The following MAPK8 variants were observed in gnomAD, a reference collection of about 807,000 sequenced individuals.
MAPK8 encodes the protein mitogen-activated protein kinase 8, also known as JUN N-terminal kinase.
A neutral mutation model predicts 52.9 loss-of-function variants in MAPK8; 13 were observed. The observed-to-expected ratio is 0.25, with a 90% CI of 0.16 to 0.39. The LOEUF (loss-of-function observed/expected upper bound fraction) is 0.39, where lower values mean the gene tolerates loss of function less well. Among genes scored for constraint, MAPK8 ranks in the 10% least tolerant of loss-of-function variants. MAPK8 has a pLI of 1.00. For missense variants in MAPK8, 300 were observed against 519.2 expected, an observed-to-expected ratio of 0.58 and a Z score of 4.10; for synonymous variants, 191 against 169.8, an observed-to-expected ratio of 1.12 and a Z score of -0.97.
At chr10:48,313,447 C>A (rs1223181024) in intron 1 of MAPK8, among the ~76,000 whole-genome samples, 2 of 151,920 alleles carry the variant, frequency 1.3e-5, no homozygotes, top group Non-Finnish European at 2.9e-5. Context: ...AAAACAACAA[C>A]AACAACAACA....
chr10:48,366,775 G>T, intron 1 of MAPK8, among the ~76,000 whole-genome samples: 1 of 151,960 alleles, frequency 6.6e-6, no homozygotes, highest in African/African-American at 2.4e-5. Flanking sequence ...GCCATATAGG[G>T]TTGAAAAATT....
intron 1 of MAPK8, among the ~76,000 whole-genome samples, chr10:48,390,252 A>G (rs1349056272): frequency 3.9e-5 from 6 of 152,182 alleles, no homozygotes; most frequent in Non-Finnish European, 7.3e-5. Context: ...AGTCAGCTTT[A>G]CTCAGTCTGT....
At chr10:48,387,446 G>C (rs888636076) in intron 1 of MAPK8, among the ~76,000 whole-genome samples, 1 of 152,102 alleles carries the variant, frequency 6.6e-6, no homozygotes, top group Non-Finnish European at 1.5e-5. Flanking sequence ...ATATGGAGGG[G>C]AATCATCTGG....
chr10:48,425,347 A>AT (rs1031984164), intron 7 of MAPK8: 5 of 484,624 alleles, frequency 1.0e-5, no homozygotes, highest in African/African-American at 1.0e-4. Context: ...GCTTTAGAAA[A>AT]TTTTTTTAAA....
intron 1 of MAPK8, among the ~76,000 whole-genome samples, chr10:48,341,459 T>C (rs1296491293): frequency 6.6e-6 from 1 of 152,166 alleles, no homozygotes; most frequent in Non-Finnish European, 1.5e-5. Context: ...TTTGGGATGC[T>C]CAACTGGCAC....
intron 1 of MAPK8, among the ~76,000 whole-genome samples, chr10:48,385,907 A>G (rs928604286): frequency 2.6e-5 from 4 of 152,174 alleles, no homozygotes; most frequent in African/African-American, 9.7e-5. Context: ...GGGCAGGCAC[A>G]TTTAATTACA....
chr10:48,330,726 C>A (rs1844053683), intron 1 of MAPK8, among the ~76,000 whole-genome samples: 1 of 152,174 alleles, frequency 6.6e-6, no homozygotes, highest in Non-Finnish European at 1.5e-5. Context: ...TGGTCGAGTA[C>A]TATGGGGTTA....
chr10:48,338,239 TA>T (rs1178957700), intron 1 of MAPK8, among the ~76,000 whole-genome samples: 3 of 151,976 alleles, frequency 2.0e-5, no homozygotes, highest in Non-Finnish European at 4.4e-5. Flanking sequence ...TAGCAGCACA[TA>T]AAAAAGATAA....
chr10:48,362,774 CTT>C (rs1847663096), intron 1 of MAPK8, among the ~76,000 whole-genome samples: 2 of 116,062 alleles, frequency 1.7e-5, no homozygotes, highest in Non-Finnish European at 3.3e-5. Context: ...GAGTTTCACT[CTT>C]GTTGCCCAGG....
chr10:48,346,793 G>A (rs1845828495), intron 1 of MAPK8, among the ~76,000 whole-genome samples: 1 of 152,182 alleles, frequency 6.6e-6, no homozygotes, highest in Admixed American at 6.5e-5. Context: ...CTGATATGCA[G>A]AAATAATGGC....
At chr10:48,327,376 T>C (rs1007799088) in intron 1 of MAPK8, among the ~76,000 whole-genome samples, 1 of 152,196 alleles carries the variant, frequency 6.6e-6, no homozygotes, top group African/African-American at 2.4e-5. Context: ...GTTGATGTGG[T>C]GGATTAGGGT....
chr10:48,366,052 GT>G (rs941906853), intron 1 of MAPK8, among the ~76,000 whole-genome samples: 26 of 148,956 alleles, frequency 1.7e-4, no homozygotes, highest in African/African-American at 3.9e-4. Flanking sequence ...TTAGAATTCA[GT>G]TTTTTTTTTC....
intron 1 of MAPK8, among the ~76,000 whole-genome samples, chr10:48,362,189 T>G (rs1403767373): frequency 6.6e-6 from 1 of 152,168 alleles, no homozygotes; most frequent in Admixed American, 6.5e-5. Context: ...TTGCCTCTGT[T>G]CTTTCCTCTC....
intron 1 of MAPK8, among the ~76,000 whole-genome samples, chr10:48,386,025 G>A (rs1320537227): frequency 1.3e-5 from 2 of 151,894 alleles, no homozygotes; most frequent in Non-Finnish European, 2.9e-5. Flanking sequence ...AAGTATATGT[G>A]GTATCAACTA....
rs540974327 is a variant in MAPK8 at position 48,436,894 on chromosome 10, T to A, written c.*1865T>A. ...GAATTGTAGACAGAAAATATTGGAT[T>A]CACAATTTCAGCAGAAATTTGAGAA... is the stretch of plus-strand genomic sequence containing the variant. On this transcript the variant is annotated 3_prime_UTR_variant, in exon 12 of 12. Transcript: ENST00000374189. The A allele has an allele frequency of 6.6e-6, 1 of 152,350 alleles. No homozygotes were observed. The highest frequency in any genetic ancestry group is 2.1e-4 in the South Asian group (1 of 4,828). The allele number at this position is 152,350 out of a possible 1,614,324, so 9.4% of individuals were successfully genotyped here.
intron 1 of MAPK8, among the ~76,000 whole-genome samples, chr10:48,387,453 C>T (rs1459840875): frequency 6.6e-6 from 1 of 152,072 alleles, no homozygotes; most frequent in Admixed American, 6.5e-5. Flanking sequence ...GGGGAATCAT[C>T]TGGAAAGAGC....
At chr10:48,392,752 ATATATAC>A (rs1252070845) in intron 1 of MAPK8, among the ~76,000 whole-genome samples, 1 of 152,030 alleles carries the variant, frequency 6.6e-6, no homozygotes, top group East Asian at 1.9e-4. Context: ...ATGCTATATC[ATATATAC>A]TATATAATCT....
At chr10:48,325,800 T>C (rs1358659512) in intron 1 of MAPK8, 2 of 152,244 alleles carry the variant, frequency 1.3e-5, no homozygotes, top group African/African-American at 2.4e-5. Flanking sequence ...TTCTTAGCTG[T>C]GAGTTTCTCA....
chr10:48,317,255 C>T (rs1415603142), intron 1 of MAPK8, among the ~76,000 whole-genome samples: 3 of 152,134 alleles, frequency 2.0e-5, no homozygotes, highest in African/African-American at 7.2e-5. Context: ...ATCACTGCAG[C>T]CTTAAACTCC....
Sources: allele counts gnomAD v4.1 joint callset (sites outside exome capture counted in the v4.1 genomes callset), GRCh38; gene constraint gnomAD v4.1.1; transcripts MANE v1.5; gene names NCBI Gene and HGNC (gene_info 2026-07-23, HGNC 2026-07-21).